The following EXO1 variants were observed in gnomAD, a reference collection of about 807,000 sequenced individuals.
EXO1 encodes the protein exonuclease 1.
A neutral mutation model predicts 84.5 loss-of-function variants in EXO1; 69 were observed. The observed-to-expected ratio is 0.82, with a 90% CI of 0.67 to 1.00. The LOEUF is 1.00. Ranked by LOEUF, EXO1 falls within the 50% of genes least tolerant of loss-of-function variation. The pLI is 0.00. For missense variants in EXO1, 1,045 were observed against 1,000.7 expected (o/e 1.04, Z -0.60); for synonymous variants, 373 against 366.1 (o/e 1.02, Z -0.21).
chr1:241,858,668 G>A lies in EXO1; in HGVS notation c.706G>A (p.Ala236Thr). 6.2e-7 allele frequency: 1 copy of A among 1,614,026 alleles called. No homozygotes were observed. Among genetic ancestry groups the A allele is most frequent in the Non-Finnish European group, 8.5e-7 (1 of 1,179,952 alleles). The change falls in exon 8 of 16, where the codon GCA becomes ACA. Residue 236 changes from alanine (A) to threonine (T), a missense_variant. Transcript: ENST00000366548. Reference protein sequence around the residue: ...YLSSLRGIGLAKACKVLRLAN... With the variant: ...YLSSLRGIGLTKACKVLRLAN... ...GTCATCACTGCGTGGGATTGGATTAGCAAAGGCATGCAAAGTCCTAAGACT... is the reference window on the plus strand; with the variant it reads ...GTCATCACTGCGTGGGATTGGATTAACAAAGGCATGCAAAGTCCTAAGACT...
At chr1:241,869,394 C>T (rs770511965) in intron 11 of EXO1, among the ~76,000 whole-genome samples, 101 of 152,302 alleles carry the variant, frequency 6.6e-4, no homozygotes, top group Middle Eastern at 6.8e-3. Flanking sequence ...GGAATTTTTT[C>T]ACCATAGAGG....
At chr1:241,882,322 T>C (rs1434200355) in intron 14 of EXO1, among the ~76,000 whole-genome samples, 1 of 152,038 alleles carries the variant, frequency 6.6e-6, no homozygotes, top group South Asian at 2.1e-4. Flanking sequence ...ATTTTTTTGC[T>C]CTAGCAAATA....
Position 241,850,437 on chromosome 1 carries a change from G to C in EXO1, c.12G>C (p.Gln4His). 6.2e-7 allele frequency: 1 copy of C among 1,613,736 alleles called. No homozygotes were observed. The highest frequency in any genetic ancestry group is 8.5e-7 in the Non-Finnish European group (1 of 1,179,648). Residue 4 changes from glutamine to histidine, a missense_variant, in exon 4 of 16, where the codon CAG becomes CAC. Coordinates refer to ENST00000366548, the MANE Select transcript of EXO1 (RefSeq NM_130398.4). MGI[Q>H]GLLQFIKEAS... ...GTTAATTTGGCACCATGGGGATACA[G>C]GGATTGCTACAATTTATCAAAGAAG...
intron 12 of EXO1, among the ~76,000 whole-genome samples, chr1:241,873,467 T>G (rs1406504599): frequency 6.8e-6 from 1 of 146,450 alleles, no homozygotes; most frequent in Non-Finnish European, 1.6e-5. Context: ...TTACAGAAAT[T>G]GTTTTTTTGG....
Position 241,878,874 on chromosome 1 carries a change from G to T in EXO1, c.1640G>T (p.Gly547Val). ...GAATCAGAGTATGGAGACCAAGAAG[G>T]CAAGAGACTGGTTGACACAGATGTA... ...LHESEYGDQE[G>V]KRLVDTDVAR... Residue 547 changes from glycine to valine, a missense_variant, in exon 13 of 16, where the codon GGC (glycine) becomes GTC (valine). Gly to Val is a moderately radical substitution (Grantham distance 109). Transcript: ENST00000366548. 6.2e-7 allele frequency: 1 copy of T among 1,614,060 alleles called. No homozygotes were observed. The highest frequency in any genetic ancestry group is 2.2e-5 in the East Asian group (1 of 44,880).
chr1:241,855,990 G>C lies in EXO1; in HGVS notation c.406-1355G>C, dbSNP rs537763863. On this transcript the variant is annotated intron_variant, in intron 6 of 15. Transcript: ENST00000366548. ...ACACCTCCCTGTAAGCTGAGGGAGT[G>C]GGCTCCGGCCTTGGCCAGCCCAGAA... Among the ~76,000 whole-genome samples the C allele has an allele frequency of 3.4e-3, 524 of 152,290 alleles. 2 individuals are homozygous for C. The highest frequency in any genetic ancestry group is 7.6e-3 in the Admixed American group (116 of 15,304).
chr1:241,863,631 A>G (rs973370932), intron 10 of EXO1, among the ~76,000 whole-genome samples: 1 of 152,190 alleles, frequency 6.6e-6, no homozygotes, highest in African/African-American at 2.4e-5. Flanking sequence ...AAATAAGCCA[A>G]GCCTACCAAG....
chr1:241,874,931 A>C (rs1032420313), intron 12 of EXO1, among the ~76,000 whole-genome samples: 10 of 152,292 alleles, frequency 6.6e-5, no homozygotes, highest in African/African-American at 2.2e-4. Context: ...TAAGAGAGAA[A>C]AGTTACCAGC....
At chr1:241,878,100 A>G (rs369533130) in intron 12 of EXO1, among the ~76,000 whole-genome samples, 192 of 152,340 alleles carry the variant, frequency 1.3e-3, no homozygotes, top group Non-Finnish European at 2.5e-3. Flanking sequence ...TTTATCTTCT[A>G]TTTGAGAGTT....
intron 6 of EXO1, 65 bp downstream of exon 6, chr1:241,853,546 A>T: frequency 6.3e-7 from 1 of 1,585,072 alleles, no homozygotes; most frequent in Non-Finnish European, 8.7e-7. Flanking sequence ...TTGATGGGAG[A>T]GGAAGAAAAT....
intron 11 of EXO1, among the ~76,000 whole-genome samples, chr1:241,871,091 A>G (rs570237573): frequency 9.2e-5 from 14 of 151,950 alleles, no homozygotes; most frequent in Non-Finnish European, 2.1e-4. Flanking sequence ...GAAAAAAAAA[A>G]TGAGGTTAAT....
At position 241,852,323 on chromosome 1, in the gene EXO1, A is replaced by G. The variant is rs113869435; in HGVS notation, c.193A>G (p.Met65Val). The part of the protein sequence containing the change: ...YVGFCMKFVN[M>V]LLSHGIKPIL... ...AGGATTTTGTATGAAATTTGTAAAT[A>G]TGTTACTATCTCATGGGATCAAGCC... Residue 65 changes from methionine (M) to valine (V), a missense_variant, in exon 5 of 16, where the codon ATG (methionine) becomes GTG (valine). Coordinates refer to ENST00000366548, the MANE Select transcript of EXO1 (RefSeq NM_130398.4). 1.3e-6 allele frequency: 2 copies of G among 1,598,258 alleles called. No individual in the cohort carries two copies. The highest frequency in any genetic ancestry group is 8.6e-7 in the Non-Finnish European group (1 of 1,166,294).
chr1:241,862,485 C>G (rs1406659459), intron 10 of EXO1, among the ~76,000 whole-genome samples: 1 of 152,210 alleles, frequency 6.6e-6, no homozygotes, highest in Admixed American at 6.5e-5. Context: ...TCTCTGATTT[C>G]CTGTAGCCTC....
intron 10 of EXO1, 135 bp from the exon 11 acceptor site, chr1:241,866,695 A>G: frequency 1.4e-6 from 1 of 718,924 alleles, no homozygotes; most frequent in Non-Finnish European, 2.5e-6. Context: ...ATGTTATTCA[A>G]GGACAGCTGT....
chr1:241,872,590 C>T (rs1331443653), intron 12 of EXO1, among the ~76,000 whole-genome samples: 2 of 151,986 alleles, frequency 1.3e-5, no homozygotes, highest in Admixed American at 6.6e-5. Flanking sequence ...CATTTATGAG[C>T]GAGAACATGT....
At chr1:241,854,308 T>C (rs1660836273) in intron 6 of EXO1, among the ~76,000 whole-genome samples, 1 of 152,160 alleles carries the variant, frequency 6.6e-6, no homozygotes. Context: ...CGGCTACTTT[T>C]GTATTTTTAG....
chr1:241,872,561 A>G (rs367997682), intron 12 of EXO1, among the ~76,000 whole-genome samples: 316 of 151,286 alleles, frequency 2.1e-3, no homozygotes, highest in African/African-American at 7.4e-3. Flanking sequence ...GTGTCCATGT[A>G]CTCTCATTGT....
intron 11 of EXO1, among the ~76,000 whole-genome samples, chr1:241,869,784 T>C (rs60346606): frequency 1.9e-4 from 5 of 25,686 alleles, no homozygotes; most frequent in African/African-American, 6.2e-4. Flanking sequence ...CCCTCCTTCC[T>C]TCCTTCCTTC....
chr1:241,880,220 G>A (rs188093449), intron 13 of EXO1, among the ~76,000 whole-genome samples: 10 of 152,056 alleles, frequency 6.6e-5, no homozygotes, highest in Admixed American at 5.2e-4. Context: ...TCTTTATCTC[G>A]TCTTTTTCAT....
Sources: allele counts gnomAD v4.1 joint callset (sites outside exome capture counted in the v4.1 genomes callset), GRCh38; gene constraint gnomAD v4.1.1; transcripts MANE v1.5; gene names NCBI Gene and HGNC (gene_info 2026-07-23, HGNC 2026-07-21).